Variants in LHFPL5 observed in about 807,000 individuals in gnomAD.
The protein encoded by LHFPL5 is LHFPL tetraspan subfamily member 5 protein.
A neutral mutation model predicts 18.7 loss-of-function variants in LHFPL5; 12 were observed. That is an observed-to-expected ratio of 0.64 (90% CI 0.41 to 1.04). LHFPL5 has a LOEUF of 1.04. Ranked by LOEUF, LHFPL5 falls within the 50% of genes least tolerant of loss-of-function variation. LHFPL5 has a pLI of 0.00. For synonymous variants in LHFPL5, 111 were observed against 120.2 expected, an observed-to-expected ratio of 0.92 and a Z score of 0.50; for missense variants, 259 against 292.1, an observed-to-expected ratio of 0.89 and a Z score of 0.83.
At chr6:35,818,668 A>G (rs1362956594) in intron 2 of LHFPL5, among the ~76,000 whole-genome samples, 1 of 151,314 alleles carries the variant, frequency 6.6e-6, no homozygotes, top group African/African-American at 2.4e-5. Flanking sequence ...AATTATATTA[A>G]TTAAAAAAAA....
intron 2 of LHFPL5, among the ~76,000 whole-genome samples, chr6:35,816,509 G>C (rs1768764245): frequency 6.6e-6 from 1 of 152,058 alleles, no homozygotes; most frequent in Non-Finnish European, 1.5e-5. Context: ...TCTATAAAGG[G>C]AAGAAAAAAT....
chr6:35,805,447 G>A lies in LHFPL5; in HGVS notation c.-224G>A, dbSNP rs1768552257. ...GAGGCAGGAGACTGGAGACAGCCTCGGCTAGAGCGGACACAGGCACCTGGC... is the reference window on the plus strand; with the variant it reads ...GAGGCAGGAGACTGGAGACAGCCTCAGCTAGAGCGGACACAGGCACCTGGC... On this transcript the variant is annotated 5_prime_UTR_variant, in exon 1 of 4. Transcript: ENST00000360215. This position sits in a 1 kb window ranked among gnomAD's most constrained non-coding sequence, Gnocchi z 4.3. The A allele has an allele frequency of 1.7e-6, 1 of 576,590 alleles. No homozygotes were observed. The highest frequency in any genetic ancestry group is 4.7e-4 in the Middle Eastern group (1 of 2,134). 35.7% of individuals were successfully genotyped at this position (576,590 alleles called of 1,614,324 possible). A position where few individuals can be genotyped will look rare whatever the true frequency, so the allele number is the denominator to read the frequency against.
chr6:35,806,195 T>C (rs1768567240), intron 1 of LHFPL5, 113 bp downstream of exon 1: 1 of 1,144,138 alleles, frequency 8.7e-7, no homozygotes, highest in Non-Finnish European at 1.3e-6. Context: ...TGTTCTCCTA[T>C]AGCCCAGTCC....
chr6:35,805,603 G>C lies in LHFPL5; in HGVS notation c.-68G>C. 6.4e-7 allele frequency: 1 copy of C among 1,563,158 alleles called. No homozygotes were observed. The highest frequency in any genetic ancestry group is 1.3e-5 in the African/African-American group (1 of 74,130). The stretch of plus-strand genomic sequence containing the variant: ...CCCGCTGGGGAGTGACCTGCTTCTA[G>C]GCCTCCATCCACAAAGCTACGGACT... On this transcript the variant is annotated 5_prime_UTR_variant, in exon 1 of 4. Transcript: ENST00000360215. This position sits in a 1 kb window ranked among gnomAD's most constrained non-coding sequence, Gnocchi z 4.3.
At chr6:35,812,432 T>G (rs1768680203) in intron 1 of LHFPL5, among the ~76,000 whole-genome samples, 1 of 152,170 alleles carries the variant, frequency 6.6e-6, no homozygotes, top group Non-Finnish European at 1.5e-5. Context: ...TGCCTGGGGC[T>G]GGCTGCCCCA....
At position 35,823,424 on chromosome 6, in the gene LHFPL5, C is replaced by CACATATAT. The variant is rs1554147839; in HGVS notation, c.*460_*461insCATATATA. On this transcript the variant is annotated 3_prime_UTR_variant, in exon 4 of 4. Transcript: ENST00000360215. ...ACACACACACACACACACACACACA[C>CACATATAT]ATACATACACACACACATATATATA... 1.2e-4 allele frequency: 14 copies of CACATATAT among 112,462 alleles called. No individual in the cohort carries two copies. The highest frequency in any genetic ancestry group is 5.2e-4 in the African/African-American group (14 of 26,912). The allele number at this position is 112,462 out of a possible 1,614,324, so 7.0% of individuals were successfully genotyped here.
rs777801478 is a variant in LHFPL5 at position 35,814,832 on chromosome 6, G to T, written c.649+50G>T. ...GTCCCCTGCCTGGAGACCCTGGGAT[G>T]TGGGTGGGGGTTCATCTTAGCCAGT... On this transcript the variant is annotated intron_variant, in intron 2 of 3. Coordinates refer to ENST00000360215, the MANE Select transcript of LHFPL5 (RefSeq NM_182548.4). The surrounding 1 kb of genome is among the most constrained non-coding windows in gnomAD (Gnocchi z 4.2). The T allele has an allele frequency of 6.6e-7, 1 of 1,518,864 alleles. No individual in the cohort carries two copies. Among genetic ancestry groups the T allele is most frequent in the Non-Finnish European group, 9.1e-7 (1 of 1,093,628 alleles). 94.1% of individuals were successfully genotyped at this position (1,518,864 alleles called of 1,614,324 possible). A position where few individuals can be genotyped will look rare whatever the true frequency, so the allele number is the denominator to read the frequency against.
chr6:35,806,242 A>G (rs1768567750), intron 1 of LHFPL5, among the ~76,000 whole-genome samples, 160 bp downstream of exon 1: 4 of 152,144 alleles, frequency 2.6e-5, no homozygotes, highest in Admixed American at 2.6e-4. Context: ...AGGAGTTGAG[A>G]ATCTTAAAAT....
intron 1 of LHFPL5, among the ~76,000 whole-genome samples, chr6:35,808,831 A>G (rs1768618802): frequency 6.6e-6 from 1 of 151,854 alleles, no homozygotes; most frequent in Admixed American, 6.6e-5. Flanking sequence ...TTGACAGGCC[A>G]TCTGAGTCAG....
chr6:35,823,424 C>CACACACATAT lies in LHFPL5; in HGVS notation c.*460_*461insCACACATATA. On this transcript the variant is annotated 3_prime_UTR_variant, in exon 4 of 4. Coordinates refer to ENST00000360215, the MANE Select transcript of LHFPL5 (RefSeq NM_182548.4). The stretch of plus-strand genomic sequence containing the variant: ...ACACACACACACACACACACACACA[C>CACACACATAT]ATACATACACACACACATATATATA... 1 of 112,374 alleles carries CACACACATAT rather than the reference C, an allele frequency of 8.9e-6. No homozygotes were observed. Among genetic ancestry groups the CACACACATAT allele is most frequent in the African/African-American group, 3.7e-5 (1 of 26,816 alleles). The allele number at this position is 112,374 out of a possible 1,614,324, so 7.0% of individuals were successfully genotyped here.
rs1306944063 is a variant in LHFPL5, at chr6:35,807,977, A to ACCTTTGAG, written c.412+1896_412+1897insCTTTGAGC. On this transcript the variant is annotated intron_variant, in intron 1 of 3. Transcript: ENST00000360215. The stretch of plus-strand genomic sequence containing the variant: ...TAGTGGGTAACTTGTCTTTGAGCAT[A>ACCTTTGAG]CAAGTAGGAAGGCATGCACCTTTGA... Among the ~76,000 whole-genome samples, 240 of 152,246 alleles carry ACCTTTGAG rather than the reference A, an allele frequency of 1.6e-3. 2 individuals carry two copies. The South Asian group carries it at 0.023, about 15-fold the overall frequency.
chr6:35,810,551 A>C (rs941066374), intron 1 of LHFPL5, among the ~76,000 whole-genome samples: 1 of 152,112 alleles, frequency 6.6e-6, no homozygotes, highest in East Asian at 1.9e-4. Flanking sequence ...CCCGTGTTAC[A>C]AAAAAATACA....
chr6:35,818,755 T>C (rs1356553817), intron 2 of LHFPL5, among the ~76,000 whole-genome samples: 1 of 138,490 alleles, frequency 7.2e-6, no homozygotes, highest in African/African-American at 2.6e-5. Context: ...AATAAATTAG[T>C]TCTCCCTTTT....
intron 3 of LHFPL5, among the ~76,000 whole-genome samples, chr6:35,821,466 T>C (rs1768865448): frequency 7.2e-6 from 1 of 138,192 alleles, no homozygotes; most frequent in Non-Finnish European, 1.6e-5. Context: ...TGTGTGTGTG[T>C]GTGTGTGTGT....
chr6:35,822,598 C>G (rs1768886640), intron 3 of LHFPL5, among the ~76,000 whole-genome samples: 1 of 152,154 alleles, frequency 6.6e-6, no homozygotes, highest in South Asian at 2.1e-4. Flanking sequence ...ACCTCTGCCT[C>G]CCAGGTTCAA....
At chr6:35,806,704 C>T (rs759001127) in intron 1 of LHFPL5, among the ~76,000 whole-genome samples, 1 of 152,202 alleles carries the variant, frequency 6.6e-6, no homozygotes, top group African/African-American at 2.4e-5. Context: ...CTAAATTCCC[C>T]TCTTTCATTG....
rs1181978085 is a variant in LHFPL5 at position 35,805,965 on chromosome 6, T to C, written c.295T>C (p.Phe99Leu). ...IPSRAFKTAMFFVALGMFLII... is the reference protein window; with the variant it reads ...IPSRAFKTAMLFVALGMFLII... The stretch of plus-strand genomic sequence containing the variant: ...CTCTAGAGCCTTCAAGACTGCCATG[T>C]TCTTTGTGGCCTTGGGCATGTTCCT... Residue 99 changes from phenylalanine (F) to leucine (L), a missense_variant, in exon 1 of 4, where the codon TTC becomes CTC. Transcript: ENST00000360215. The surrounding 1 kb of genome is among the most constrained non-coding windows in gnomAD (Gnocchi z 4.3). 6.2e-7 allele frequency: 1 copy of C among 1,614,146 alleles called. No homozygotes were observed. Among genetic ancestry groups the C allele is most frequent in the Non-Finnish European group, 8.5e-7 (1 of 1,180,054 alleles).
chr6:35,814,846 A>C lies in LHFPL5; in HGVS notation c.649+64A>C, dbSNP rs1283578316. 2 of 1,434,568 alleles carry C rather than the reference A, an allele frequency of 1.4e-6. No homozygotes were observed. Among genetic ancestry groups the C allele is most frequent in the Non-Finnish European group, 2.0e-6 (2 of 1,017,098 alleles). 88.9% of individuals were successfully genotyped at this position (1,434,568 alleles called of 1,614,324 possible). ...GACCCTGGGATGTGGGTGGGGGTTC[A>C]TCTTAGCCAGTCCTCTAAGGCTTGG... is the stretch of plus-strand genomic sequence containing the variant. On this transcript the variant is annotated intron_variant, in intron 2 of 3. Coordinates refer to ENST00000360215, the MANE Select transcript of LHFPL5 (RefSeq NM_182548.4). The surrounding 1 kb of genome is among the most constrained non-coding windows in gnomAD (Gnocchi z 4.2).
At chr6:35,810,663 T>C (rs1257087319) in intron 1 of LHFPL5, among the ~76,000 whole-genome samples, 1 of 150,580 alleles carries the variant, frequency 6.6e-6, no homozygotes, top group Admixed American at 6.6e-5. Flanking sequence ...TACAAAAAAA[T>C]ACAAAAATAA....
Sources: gnomAD v4.1 joint callset for allele counts (sites outside exome capture counted in the v4.1 genomes callset) on GRCh38, gnomAD v4.1.1 for gene constraint, Gnocchi (gnomAD v3.1) non-coding constraint, MANE v1.5 for transcripts, NCBI Gene and HGNC (gene_info 2026-07-23, HGNC 2026-07-21) for gene names.